Variants in KCNB2 observed in about 807,000 individuals in gnomAD.
The protein encoded by KCNB2 is delayed rectifier potassium channel protein.
In KCNB2, 15 loss-of-function variants were observed where a neutral mutation model predicts 61.5. The observed-to-expected ratio is 0.24, with a 90% CI of 0.16 to 0.38. The LOEUF is 0.38. KCNB2 is among the 10% of genes least tolerant of loss of function. The probability of loss-of-function intolerance (pLI) is 1.00; values close to 1 mark genes in which losing one functional copy is unlikely to be tolerated. For synonymous variants in KCNB2, 457 were observed against 446.0 expected (o/e 1.02, Z -0.31); for missense variants, 828 against 1,125.2 (o/e 0.74, Z 3.78).
intron 2 of KCNB2, among the ~76,000 whole-genome samples, chr8:72,595,232 T>C (rs1360147743): frequency 2.6e-5 from 4 of 152,062 alleles, no homozygotes. Flanking sequence ...AACTCACTCA[T>C]GAGGCCCTCA....
Position 72,623,709 on chromosome 8 carries a change from T to C in KCNB2, c.579+55396T>C, listed in dbSNP as rs149463377. Among the ~76,000 whole-genome samples the C allele has an allele frequency of 2.0e-3, 307 of 152,326 alleles. 1 individual carries two copies. Among genetic ancestry groups the C allele is most frequent in the African/African-American group, 7.0e-3 (291 of 41,570 alleles). On this transcript the variant is annotated intron_variant, in intron 2 of 2. Transcript: ENST00000523207. ...TGTCACATTTGTCTTCCTGGTCATA[T>C]TCAAAAAGCTTCACCTGTATTCGGT...
At chr8:72,824,586 C>A (rs1367491836) in intron 2 of KCNB2, among the ~76,000 whole-genome samples, 4 of 152,208 alleles carry the variant, frequency 2.6e-5, no homozygotes, top group African/African-American at 9.6e-5. Context: ...CACTCATGTT[C>A]CTCATCTCCC....
At chr8:72,801,163 A>G (rs545261599) in intron 2 of KCNB2, among the ~76,000 whole-genome samples, 1 of 152,266 alleles carries the variant, frequency 6.6e-6, no homozygotes, top group East Asian at 1.9e-4. Flanking sequence ...GTTTTACTAG[A>G]GTCTTTTGAA....
At chr8:72,636,493 G>A (rs1585798831) in intron 2 of KCNB2, among the ~76,000 whole-genome samples, 2 of 152,216 alleles carry the variant, frequency 1.3e-5, no homozygotes, top group East Asian at 3.9e-4. Flanking sequence ...AATCCTGACA[G>A]TGACATTTAT....
chr8:72,900,120 A>C (rs922806103), intron 2 of KCNB2, among the ~76,000 whole-genome samples: 11 of 152,202 alleles, frequency 7.2e-5, no homozygotes, highest in Admixed American at 2.6e-4. Context: ...GCAGTAATCA[A>C]AACAGCAGGG....
At chr8:72,547,109 G>A (rs974724881) in intron 1 of KCNB2, among the ~76,000 whole-genome samples, 11 of 152,176 alleles carry the variant, frequency 7.2e-5, no homozygotes, top group Admixed American at 1.3e-4. Flanking sequence ...GAACAATGAA[G>A]CCTGAATGAA....
intron 2 of KCNB2, among the ~76,000 whole-genome samples, chr8:72,721,155 A>G (rs1168970060): frequency 6.6e-6 from 1 of 152,248 alleles, no homozygotes; most frequent in Non-Finnish European, 1.5e-5. Flanking sequence ...TGAAACTGAA[A>G]CATCATCTAA....
rs869160203 is a variant in KCNB2 at position 72,597,001 on chromosome 8, C to CTTTTTTTTTTTT, written c.579+28718_579+28729dup. On this transcript the variant is annotated intron_variant, in intron 2 of 2. Transcript: ENST00000523207. ...GCATGCTTGCTTGCTTGCTTGCTTG[C>CTTTTTTTTTTTT]TTTTTTTTTTTTTTTTTTTTTTTTT... is the stretch of plus-strand genomic sequence containing the variant. Among the ~76,000 whole-genome samples, 37 of 64,660 alleles carry CTTTTTTTTTTTT rather than the reference C, an allele frequency of 5.7e-4. 9 individuals are homozygous for CTTTTTTTTTTTT. Among genetic ancestry groups the CTTTTTTTTTTTT allele is most frequent in the East Asian group, 1.3e-3 (2 of 1,594 alleles). The allele number at this position is 64,660 out of a possible 152,430, so 42.4% of individuals were successfully genotyped here. A position where few individuals can be genotyped will look rare whatever the true frequency, so the allele number is the denominator to read the frequency against.
chr8:72,540,294 A>G (rs1806171112), intron 1 of KCNB2, among the ~76,000 whole-genome samples: 1 of 152,146 alleles, frequency 6.6e-6, no homozygotes, highest in Admixed American at 6.5e-5. Context: ...CTTAACGTTG[A>G]TAGGAAATCT....
chr8:72,668,913 A>G (rs970858990), intron 2 of KCNB2, among the ~76,000 whole-genome samples: 4 of 151,844 alleles, frequency 2.6e-5, no homozygotes, highest in African/African-American at 4.8e-5. Flanking sequence ...TTTATATTAT[A>G]TATTTGTGTG....
At chr8:72,813,553 T>C (rs988511293) in intron 2 of KCNB2, among the ~76,000 whole-genome samples, 3 of 152,138 alleles carry the variant, frequency 2.0e-5, no homozygotes, top group African/African-American at 7.2e-5. Flanking sequence ...GTAAACTTTG[T>C]CAAATTTACT....
intron 2 of KCNB2, among the ~76,000 whole-genome samples, chr8:72,827,867 C>T (rs1809622352): frequency 6.6e-6 from 1 of 151,474 alleles, no homozygotes; most frequent in African/African-American, 2.4e-5. Context: ...GGCTAGACTC[C>T]AATGGCGTGA....
At chr8:72,564,665 T>G (rs950658327) in intron 1 of KCNB2, among the ~76,000 whole-genome samples, 3 of 152,180 alleles carry the variant, frequency 2.0e-5, no homozygotes, top group Non-Finnish European at 4.4e-5. Context: ...ATCACCTGAA[T>G]ATAAAGTTAG....
intron 2 of KCNB2, among the ~76,000 whole-genome samples, chr8:72,704,087 A>G (rs1807178271): frequency 6.6e-6 from 1 of 152,196 alleles, no homozygotes; most frequent in African/African-American, 2.4e-5. Context: ...ATTCTTGGAT[A>G]ATGTCAGTGA....
intron 2 of KCNB2, among the ~76,000 whole-genome samples, chr8:72,804,865 G>A (rs553463903): frequency 2.0e-5 from 3 of 152,288 alleles, no homozygotes; most frequent in African/African-American, 7.2e-5. Context: ...CGTCAGGATT[G>A]GACTGAGTGA....
intron 2 of KCNB2, among the ~76,000 whole-genome samples, chr8:72,762,597 A>C (rs1808398825): frequency 6.6e-6 from 1 of 152,058 alleles, no homozygotes; most frequent in Non-Finnish European, 1.5e-5. Flanking sequence ...TAAGGGATGC[A>C]TCCCTTGATT....
intron 2 of KCNB2, among the ~76,000 whole-genome samples, chr8:72,580,841 C>T (rs1806880393): frequency 6.6e-6 from 1 of 152,104 alleles, no homozygotes; most frequent in South Asian, 2.1e-4. Context: ...TTCCTGGCCT[C>T]CCCCCTCAAT....
intron 2 of KCNB2, among the ~76,000 whole-genome samples, chr8:72,694,104 A>G (rs1806981628): frequency 6.6e-6 from 1 of 152,228 alleles, no homozygotes; most frequent in African/African-American, 2.4e-5. Context: ...AATTAATTGT[A>G]TCATAACTAC....
At chr8:72,810,977 C>T (rs1457533488) in intron 2 of KCNB2, among the ~76,000 whole-genome samples, 2 of 152,132 alleles carry the variant, frequency 1.3e-5, no homozygotes, top group Non-Finnish European at 2.9e-5. Context: ...CAAGCTAGAA[C>T]ATAAAAGCAA....
Sources: gnomAD v4.1 joint callset for allele counts (sites outside exome capture counted in the v4.1 genomes callset) on GRCh38, gnomAD v4.1.1 for gene constraint, MANE v1.5 for transcripts, NCBI Gene and HGNC (gene_info 2026-07-23, HGNC 2026-07-21) for gene names.